Variants in ADAMTSL3 observed in about 807,000 individuals in gnomAD.
ADAMTSL3 encodes ADAMTS like 3.
In ADAMTSL3, 128 loss-of-function variants were observed where a neutral mutation model predicts 201.7. The observed-to-expected ratio is 0.63, with a 90% CI of 0.55 to 0.73. The LOEUF (loss-of-function observed/expected upper bound fraction) is 0.73, where lower values mean the gene tolerates loss of function less well. Among genes scored for constraint, ADAMTSL3 ranks in the 30% least tolerant of loss-of-function variants. The pLI is 0.00. For synonymous variants in ADAMTSL3, 738 were observed against 748.4 expected, an observed-to-expected ratio of 0.99 and a Z score of 0.23; for missense variants, 1,990 against 2,119.6, an observed-to-expected ratio of 0.94 and a Z score of 1.20.
At chr15:83,828,173 C>A (rs1386841052) in intron 6 of ADAMTSL3, among the ~76,000 whole-genome samples, 1 of 152,102 alleles carries the variant, frequency 6.6e-6, no homozygotes, top group African/African-American at 2.4e-5. Flanking sequence ...GGAATGTTCT[C>A]CCATTTGTTG....
chr15:83,871,459 G>A (rs944182795), intron 9 of ADAMTSL3, among the ~76,000 whole-genome samples: 8 of 152,194 alleles, frequency 5.3e-5, no homozygotes, highest in African/African-American at 1.9e-4. Flanking sequence ...GCAAAGGAGA[G>A]CAGAGACAAC....
At chr15:83,686,178 G>T (rs1226978397) in intron 2 of ADAMTSL3, among the ~76,000 whole-genome samples, 1 of 152,162 alleles carries the variant, frequency 6.6e-6, no homozygotes, top group Admixed American at 6.5e-5. Flanking sequence ...TCAAAACTGA[G>T]CTGTTTTTAA....
chr15:83,866,759 TAAAA>T (rs887713325), intron 8 of ADAMTSL3, among the ~76,000 whole-genome samples: 3 of 150,916 alleles, frequency 2.0e-5, no homozygotes, highest in Non-Finnish European at 4.4e-5. Flanking sequence ...TAAAGTATAA[TAAAA>T]AAAAAGAATA....
intron 9 of ADAMTSL3, among the ~76,000 whole-genome samples, chr15:83,873,805 T>C (rs2065125775): frequency 6.8e-6 from 1 of 146,188 alleles, no homozygotes; most frequent in Non-Finnish European, 1.5e-5. Flanking sequence ...CAGAGCTGTT[T>C]GCCCTGCGGA....
At chr15:83,715,008 CT>C (rs1192666574) in intron 3 of ADAMTSL3, among the ~76,000 whole-genome samples, 1 of 150,656 alleles carries the variant, frequency 6.6e-6, no homozygotes, top group Non-Finnish European at 1.5e-5. Context: ...CCACTGTAAC[CT>C]TCATGGGTTG....
At chr15:84,008,457 G>T (rs2067937841) in intron 23 of ADAMTSL3, among the ~76,000 whole-genome samples, 1 of 152,126 alleles carries the variant, frequency 6.6e-6, no homozygotes, top group South Asian at 2.1e-4. Context: ...TTGGACAGTT[G>T]CTACGCCCTC....
At chr15:83,805,803 T>C (rs1177622648) in intron 5 of ADAMTSL3, among the ~76,000 whole-genome samples, 1 of 152,128 alleles carries the variant, frequency 6.6e-6, no homozygotes, top group African/African-American at 2.4e-5. Flanking sequence ...ACACAGTAAC[T>C]CAAGATGGCA....
chr15:83,864,037 T>C (rs1334545200), intron 8 of ADAMTSL3, among the ~76,000 whole-genome samples: 3 of 152,028 alleles, frequency 2.0e-5, no homozygotes, highest in Non-Finnish European at 2.9e-5. Context: ...TTCCTTGATA[T>C]ATACACCCTC....
At chr15:83,744,549 G>T (rs2062512691) in intron 3 of ADAMTSL3, among the ~76,000 whole-genome samples, 1 of 152,116 alleles carries the variant, frequency 6.6e-6, no homozygotes, top group Non-Finnish European at 1.5e-5. Flanking sequence ...ATTGTGGACT[G>T]GCAAAGCTAA....
At chr15:84,019,292 T>C (rs890726883) in intron 25 of ADAMTSL3, among the ~76,000 whole-genome samples, 2 of 152,156 alleles carry the variant, frequency 1.3e-5, no homozygotes, top group Non-Finnish European at 2.9e-5. Context: ...CGCTCATGCA[T>C]TGCTTAGTGT....
At chr15:83,695,255 T>TG (rs1567078491) in intron 2 of ADAMTSL3, among the ~76,000 whole-genome samples, 34 of 196 alleles carry the variant, frequency 0.17, no homozygotes, top group Non-Finnish European at 0.2. Context: ...TGTGTGTGTG[T>TG]GTGTGTGGTG....
Position 83,901,982 on chromosome 15 carries a change from G to T in ADAMTSL3, c.1700+2251G>T, listed in dbSNP as rs1471552. Among the ~76,000 whole-genome samples the T allele has an allele frequency of 4.6e-5, 7 of 152,102 alleles. No homozygotes were observed. The East Asian group carries it at 9.7e-4, about 21-fold the overall frequency. ...TGTATGTCCTCTTTTGGGTAATAGG[G>T]TTGCAGTCCGTCCAGTTCCCCAAAC... is the stretch of plus-strand genomic sequence containing the variant. On this transcript the variant is annotated intron_variant, in intron 15 of 29. Coordinates refer to ENST00000286744, the MANE Select transcript of ADAMTSL3 (RefSeq NM_207517.3).
intron 3 of ADAMTSL3, chr15:83,740,328 G>A (rs1158930623): frequency 2.0e-5 from 3 of 152,166 alleles, no homozygotes; most frequent in Non-Finnish European, 2.9e-5. Flanking sequence ...CAACCTTAGT[G>A]CAATAAAATT....
chr15:83,728,428 G>A (rs759286076), intron 3 of ADAMTSL3, among the ~76,000 whole-genome samples: 2 of 148,660 alleles, frequency 1.3e-5, no homozygotes, highest in Admixed American at 6.7e-5. Context: ...CGTTCCCCCC[G>A]CCCCCTTCCT....
At chr15:83,783,040 A>G (rs2063201713) in intron 4 of ADAMTSL3, among the ~76,000 whole-genome samples, 1 of 148,202 alleles carries the variant, frequency 6.7e-6, no homozygotes, top group Admixed American at 6.8e-5. Context: ...TTATATATAT[A>G]TACTGTTTAG....
At chr15:83,942,472 T>C (rs2066578583) in intron 17 of ADAMTSL3, 124 bp from the exon 18 acceptor site, 1 of 792,192 alleles carries the variant, frequency 1.3e-6, no homozygotes, top group East Asian at 2.6e-5. Flanking sequence ...GCTGTGACTG[T>C]AGAATCTGTA....
Position 83,726,870 on chromosome 15 carries a change from T to TG in ADAMTSL3, c.189+22363dup, listed in dbSNP as rs538690181. ...GTAGTTTTCTTTTTTCTTTTTTTTT[T>TG]GTGTCTTTGGTTTTAGTATCAGGGT... On this transcript the variant is annotated intron_variant, in intron 3 of 29. Transcript: ENST00000286744. Among the ~76,000 whole-genome samples the TG allele has an allele frequency of 1.7e-4, 26 of 151,840 alleles. No individual in the cohort carries two copies. In the South Asian group the frequency reaches 4.4e-3, roughly 25 times the overall value.
chr15:83,715,976 C>T (rs2062012259), intron 3 of ADAMTSL3, among the ~76,000 whole-genome samples: 1 of 152,198 alleles, frequency 6.6e-6, no homozygotes, highest in South Asian at 2.1e-4. Context: ...AGCGTTTCTT[C>T]CTGCTCTTTG....
intron 3 of ADAMTSL3, among the ~76,000 whole-genome samples, chr15:83,712,697 C>A (rs1398348571): frequency 6.6e-6 from 1 of 152,192 alleles, no homozygotes; most frequent in Admixed American, 6.5e-5. Flanking sequence ...TAGCTCAGGG[C>A]AGTGACTGAT....
Sources: allele counts gnomAD v4.1 joint callset (sites outside exome capture counted in the v4.1 genomes callset), GRCh38; gene constraint gnomAD v4.1.1; transcripts MANE v1.5; gene names NCBI Gene and HGNC (gene_info 2026-07-23, HGNC 2026-07-21).